Variants in NEK7 observed in about 807,000 individuals in gnomAD.
NEK7 encodes the protein serine/threonine-protein kinase Nek7.
In NEK7, 18 loss-of-function variants were observed where a neutral mutation model predicts 44.6. That is an observed-to-expected ratio of 0.40 (90% CI 0.28 to 0.60). The LOEUF is 0.60. Among genes scored for constraint, NEK7 ranks in the 20% least tolerant of loss-of-function variants. The pLI is 0.38. For synonymous variants in NEK7, 130 were observed against 121.1 expected, an observed-to-expected ratio of 1.07 and a Z score of -0.48; for missense variants, 256 against 366.5, an observed-to-expected ratio of 0.70 and a Z score of 2.46.
chr1:198,305,284 T>C (rs1458439543), intron 9 of NEK7, among the ~76,000 whole-genome samples: 2 of 152,308 alleles, frequency 1.3e-5, no homozygotes, highest in Non-Finnish European at 1.5e-5. Flanking sequence ...GGAATAGATA[T>C]GAAGTTCTTA....
chr1:198,261,403 C>T (rs966599356), intron 3 of NEK7, among the ~76,000 whole-genome samples: 1 of 151,912 alleles, frequency 6.6e-6, no homozygotes, highest in African/African-American at 2.4e-5. Flanking sequence ...GTGGCCAATA[C>T]TACCTGTCTT....
chr1:198,215,806 TAA>T (rs74334929), intron 1 of NEK7, among the ~76,000 whole-genome samples: 1 of 150,270 alleles, frequency 6.7e-6, no homozygotes, highest in South Asian at 2.1e-4. Flanking sequence ...AGTAAAAAAA[TAA>T]AAAAAAACAT....
At chr1:198,228,584 G>A (rs370482930) in intron 1 of NEK7, among the ~76,000 whole-genome samples, 2,102 of 150,254 alleles carry the variant, frequency 0.014, 28 homozygotes, top group African/African-American at 0.037. Flanking sequence ...GGTCCTTCAC[G>A]TCCCTTGTAA....
At chr1:198,319,373 TTG>T in intron 9 of NEK7, 37 bp from the exon 10 acceptor site, 1 of 1,425,102 alleles carries the variant, frequency 7.0e-7, no homozygotes, top group South Asian at 1.2e-5. Context: ...CCAAAAATAG[TTG>T]TCTTAATCAG....
At chr1:198,159,103 A>C (rs1039462041) in intron 1 of NEK7, among the ~76,000 whole-genome samples, 3 of 152,182 alleles carry the variant, frequency 2.0e-5, no homozygotes, top group Admixed American at 6.5e-5. Flanking sequence ...TGCGGGCCTG[A>C]AATTCCGCTG....
At chr1:198,198,608 A>G (rs1665314505) in intron 1 of NEK7, among the ~76,000 whole-genome samples, 1 of 152,204 alleles carries the variant, frequency 6.6e-6, no homozygotes, top group Non-Finnish European at 1.5e-5. Flanking sequence ...TTGAGTATTC[A>G]ATGTTAGGTA....
At chr1:198,228,752 CT>C (rs1305580769) in intron 1 of NEK7, among the ~76,000 whole-genome samples, 1 of 152,114 alleles carries the variant, frequency 6.6e-6, no homozygotes, top group Non-Finnish European at 1.5e-5. Flanking sequence ...TGCCTATCAG[CT>C]TAAGGAGATT....
chr1:198,229,866 T>G (rs1303851349), intron 1 of NEK7, among the ~76,000 whole-genome samples: 1 of 152,204 alleles, frequency 6.6e-6, no homozygotes, highest in Admixed American at 6.5e-5. Flanking sequence ...TTCTTTGAGT[T>G]TTATGTTTCT....
chr1:198,233,775 A>G (rs1007537697), intron 2 of NEK7, among the ~76,000 whole-genome samples: 3 of 102,682 alleles, frequency 2.9e-5, no homozygotes, highest in African/African-American at 4.0e-5. Context: ...TAGTGCATCT[A>G]TTGACTTCTC....
intron 1 of NEK7, among the ~76,000 whole-genome samples, chr1:198,170,068 A>G (rs1343093519): frequency 1.3e-5 from 2 of 151,826 alleles, no homozygotes; most frequent in Admixed American, 1.3e-4. Context: ...CGTCTCTGCA[A>G]GGCCCACAGA....
intron 1 of NEK7, among the ~76,000 whole-genome samples, chr1:198,185,192 T>G (rs1664882995): frequency 9.0e-6 from 1 of 110,502 alleles, no homozygotes; most frequent in Admixed American, 1.0e-4. Flanking sequence ...TGCTGTCTAT[T>G]TTTTTTTTTT....
intron 1 of NEK7, among the ~76,000 whole-genome samples, chr1:198,169,404 C>G (rs965735283): frequency 6.6e-6 from 1 of 152,120 alleles, no homozygotes; most frequent in African/African-American, 2.4e-5. Context: ...CAAGTTTATG[C>G]TTTAAAAATA....
At chr1:198,282,089 T>G (rs150812690) in intron 7 of NEK7, among the ~76,000 whole-genome samples, 1 of 152,120 alleles carries the variant, frequency 6.6e-6, no homozygotes, top group African/African-American at 2.4e-5. Flanking sequence ...TCCTCCCTGC[T>G]ACCACCACAT....
chr1:198,288,342 T>G (rs1654443234), intron 7 of NEK7, among the ~76,000 whole-genome samples: 2 of 152,272 alleles, frequency 1.3e-5, no homozygotes. Context: ...TTTATTTAAA[T>G]CAGCGTAGCT....
chr1:198,301,485 A>G (rs1334711374), intron 9 of NEK7, among the ~76,000 whole-genome samples: 4 of 152,176 alleles, frequency 2.6e-5, no homozygotes, highest in African/African-American at 4.8e-5. Context: ...AGGAGGCAGA[A>G]CTTGCAGTGA....
At chr1:198,204,505 G>C (rs1665531083) in intron 1 of NEK7, among the ~76,000 whole-genome samples, 1 of 152,048 alleles carries the variant, frequency 6.6e-6, no homozygotes, top group Non-Finnish European at 1.5e-5. Context: ...GGATCACGAG[G>C]TCGGGAGATG....
chr1:198,265,502 G>A (rs1267997912), intron 5 of NEK7, among the ~76,000 whole-genome samples: 1 of 152,136 alleles, frequency 6.6e-6, no homozygotes, highest in African/African-American at 2.4e-5. Flanking sequence ...CCTGATGGGA[G>A]GCTGCTGACA....
At chr1:198,221,245 A>G (rs1480920126) in intron 1 of NEK7, 1 of 152,028 alleles carries the variant, frequency 6.6e-6, no homozygotes, top group Non-Finnish European at 1.5e-5. Flanking sequence ...GGAAACATAA[A>G]GAGGAAGTCC....
At chr1:198,157,700 C>T (rs1281319278) in intron 1 of NEK7, among the ~76,000 whole-genome samples, 1 of 152,194 alleles carries the variant, frequency 6.6e-6, no homozygotes, top group Non-Finnish European at 1.5e-5. Context: ...TGTCAGGATT[C>T]GGCAGCAGCC....
Sources: allele counts gnomAD v4.1 joint callset (sites outside exome capture counted in the v4.1 genomes callset), GRCh38; gene constraint gnomAD v4.1.1; transcripts MANE v1.5; gene names NCBI Gene and HGNC (gene_info 2026-07-23, HGNC 2026-07-21).